The following PTPRD variants were observed in gnomAD, a reference collection of about 807,000 sequenced individuals.
PTPRD encodes the protein receptor-type tyrosine-protein phosphatase delta.
A neutral mutation model predicts 214.5 loss-of-function variants in PTPRD; 34 were observed. The ratio of observed to expected loss-of-function variants is 0.16; its 90% confidence interval spans 0.12 to 0.21. PTPRD has a LOEUF of 0.21. Among genes scored for constraint, PTPRD ranks in the 10% least tolerant of loss-of-function variants. The probability of loss-of-function intolerance (pLI) is 1.00; values close to 1 mark genes in which losing one functional copy is unlikely to be tolerated. For synonymous variants in PTPRD, 1,128 were observed against 845.7 expected (o/e 1.33, Z -5.79); for missense variants, 2,545 against 2,398.7 (o/e 1.06, Z -1.27).
At chr9:9,610,998 T>C (rs2094483262) in intron 7 of PTPRD, among the ~76,000 whole-genome samples, 1 of 152,230 alleles carries the variant, frequency 6.6e-6, no homozygotes, top group Admixed American at 6.5e-5. Context: ...TGATTGAATA[T>C]GTAATTTCAA....
At chr9:10,153,370 T>G (rs2099073637) in intron 3 of PTPRD, among the ~76,000 whole-genome samples, 1 of 151,542 alleles carries the variant, frequency 6.6e-6, no homozygotes, top group Admixed American at 6.6e-5. Context: ...AATTTATGAT[T>G]TTGTGGGTCT....
chr9:10,295,625 A>G (rs1161259361), intron 3 of PTPRD, among the ~76,000 whole-genome samples: 1 of 152,082 alleles, frequency 6.6e-6, no homozygotes, highest in African/African-American at 2.4e-5. Context: ...TGGTAGGCAG[A>G]ATGGTCCTTC....
At chr9:9,417,180 C>A (rs1367176482) in intron 8 of PTPRD, among the ~76,000 whole-genome samples, 1 of 152,094 alleles carries the variant, frequency 6.6e-6, no homozygotes, top group African/African-American at 2.4e-5. Context: ...GCTACAGAAG[C>A]AGACTGTTAT....
rs576291413 is a variant in PTPRD, at chr9:9,938,601, T to A, written c.-462A>T. 6.6e-6 allele frequency: 1 copy of A among 152,132 alleles called. No individual in the cohort carries two copies. The allele number at this position is 152,132 out of a possible 1,614,324, so 9.4% of individuals were successfully genotyped here. A position where few individuals can be genotyped will look rare whatever the true frequency, so the allele number is the denominator to read the frequency against. On this transcript the variant is annotated 5_prime_UTR_variant, in exon 5 of 46. Transcript: ENST00000381196. ...CACGGGCCAGGAACTGCTTGCCTTTTATTTTCCACCTGGAACAAAACATAG... is the reference window on the plus strand; with the variant it reads ...CACGGGCCAGGAACTGCTTGCCTTTAATTTTCCACCTGGAACAAAACATAG...
rs149812617 is a variant in PTPRD, at chr9:9,401,355, G to C, written c.-236-3873C>G. Among the ~76,000 whole-genome samples, 201 of 151,972 alleles carry C rather than the reference G, an allele frequency of 1.3e-3. 1 individual carries two copies. Among genetic ancestry groups the C allele is most frequent in the African/African-American group, 4.5e-3 (187 of 41,450 alleles). On this transcript the variant is annotated intron_variant, in intron 8 of 45. Transcript: ENST00000381196. Reference sequence around the variant, plus strand: ...ATCCCCCTCTTTTCTAATTACATCAGATTTCTCTGTCCTTTGGCATTTCCT... The same window carrying C: ...ATCCCCCTCTTTTCTAATTACATCACATTTCTCTGTCCTTTGGCATTTCCT...
chr9:10,344,261 C>G (rs1597602114), intron 2 of PTPRD, among the ~76,000 whole-genome samples: 1 of 151,884 alleles, frequency 6.6e-6, no homozygotes. Context: ...AGCCAGTTTT[C>G]CCAGCACCAT....
intron 12 of PTPRD, among the ~76,000 whole-genome samples, chr9:8,707,177 T>C (rs1399364744): frequency 6.6e-6 from 1 of 152,138 alleles, no homozygotes; most frequent in African/African-American, 2.4e-5. Context: ...AGCAATAAAA[T>C]ATGTGGGTAT....
chr9:9,106,317 C>G (rs1295087966), intron 10 of PTPRD, among the ~76,000 whole-genome samples: 1 of 151,774 alleles, frequency 6.6e-6, no homozygotes, highest in Non-Finnish European at 1.5e-5. Flanking sequence ...AATATTAATA[C>G]AATAATAACA....
intron 3 of PTPRD, among the ~76,000 whole-genome samples, chr9:10,060,112 G>A (rs1168717482): frequency 1.3e-5 from 2 of 152,112 alleles, no homozygotes; most frequent in Middle Eastern, 3.4e-3. Context: ...TGCATAATGT[G>A]TTTGCTAAAA....
At position 8,922,708 on chromosome 9, in the gene PTPRD, G is replaced by A. The variant is rs144751401; in HGVS notation, c.-104+95989C>T. On this transcript the variant is annotated intron_variant, in intron 11 of 45. Coordinates refer to ENST00000381196, the MANE Select transcript of PTPRD (RefSeq NM_002839.4). ...TCTGTCTGCACTGGAGTGCAGTGGCGCGATCTCAGCTCACCGCAACATCCG... is the reference window on the plus strand; with the variant it reads ...TCTGTCTGCACTGGAGTGCAGTGGCACGATCTCAGCTCACCGCAACATCCG... Among the ~76,000 whole-genome samples, 61 of 152,030 alleles carry A rather than the reference G, an allele frequency of 4.0e-4. 1 individual carries two copies. In the East Asian group the frequency reaches 8.0e-3, roughly 20 times the overall value.
chr9:9,096,336 A>C (rs769862151), intron 10 of PTPRD, among the ~76,000 whole-genome samples: 1 of 152,198 alleles, frequency 6.6e-6, no homozygotes, highest in Non-Finnish European at 1.5e-5. Context: ...TGTAGACCTT[A>C]AATATACGCA....
intron 11 of PTPRD, among the ~76,000 whole-genome samples, chr9:8,897,675 G>A (rs1262585932): frequency 1.3e-5 from 2 of 152,180 alleles, no homozygotes; most frequent in African/African-American, 4.8e-5. Flanking sequence ...TACCCTGATG[G>A]AAAGACCTGG....
intron 10 of PTPRD, among the ~76,000 whole-genome samples, chr9:9,075,185 A>G (rs755673253): frequency 6.6e-6 from 1 of 152,058 alleles, no homozygotes; most frequent in Non-Finnish European, 1.5e-5. Context: ...GTAGGTGTAT[A>G]TATTTTTAGG....
At position 9,238,962 on chromosome 9, in the gene PTPRD, G is replaced by T. The variant is rs146117319; in HGVS notation, c.-202-55599C>A. Among the ~76,000 whole-genome samples the T allele has an allele frequency of 5.7e-4, 87 of 152,184 alleles. 1 individual carries two copies. Among genetic ancestry groups the T allele is most frequent in the African/African-American group, 1.9e-3 (81 of 41,544 alleles). Reference sequence around the variant, plus strand: ...AGTGGTCTTTGGAAACATTCAGACAGCCACGGTGTGTCTTTTTCATCACCA... The same window carrying T: ...AGTGGTCTTTGGAAACATTCAGACATCCACGGTGTGTCTTTTTCATCACCA... On this transcript the variant is annotated intron_variant, in intron 9 of 45. Coordinates refer to ENST00000381196, the MANE Select transcript of PTPRD (RefSeq NM_002839.4).
intron 8 of PTPRD, among the ~76,000 whole-genome samples, chr9:9,525,889 T>C (rs1211943031): frequency 6.6e-6 from 1 of 152,080 alleles, no homozygotes; most frequent in African/African-American, 2.4e-5. Context: ...TATTCATCCA[T>C]GTAAGCATCA....
At chr9:8,331,918 C>G (rs1311866830) in intron 43 of PTPRD, among the ~76,000 whole-genome samples, 182 bp from the exon 44 acceptor site, 3 of 150,434 alleles carry the variant, frequency 2.0e-5, no homozygotes, top group Non-Finnish European at 2.9e-5. Context: ...TCCACACTCA[C>G]ATACCTTTAA....
intron 8 of PTPRD, among the ~76,000 whole-genome samples, chr9:9,527,574 A>G (rs73641311): frequency 0.013 from 2,044 of 152,278 alleles, 42 homozygotes; most frequent in African/African-American, 0.045. Context: ...GATGACTCCA[A>G]ATTTCTTAGA....
At chr9:8,939,144 G>C (rs1235696968) in intron 11 of PTPRD, among the ~76,000 whole-genome samples, 2 of 152,152 alleles carry the variant, frequency 1.3e-5, no homozygotes, top group African/African-American at 2.4e-5. Flanking sequence ...GAATGATAAT[G>C]TCATATTATT....
At chr9:9,256,574 G>T (rs965999162) in intron 9 of PTPRD, among the ~76,000 whole-genome samples, 1 of 151,854 alleles carries the variant, frequency 6.6e-6, no homozygotes, top group African/African-American at 2.4e-5. Flanking sequence ...TTGCTAAACT[G>T]CTTCAACCAA....
Sources: gnomAD v4.1 joint callset for allele counts (sites outside exome capture counted in the v4.1 genomes callset) on GRCh38, gnomAD v4.1.1 for gene constraint, MANE v1.5 for transcripts, NCBI Gene and HGNC (gene_info 2026-07-23, HGNC 2026-07-21) for gene names.